Variants in NCALD observed in about 807,000 individuals in gnomAD.
NCALD encodes neurocalcin delta.
Under a neutral mutation model 18.6 loss-of-function variants are expected in NCALD, and 10 were observed. That is an observed-to-expected ratio of 0.54 (90% CI 0.33 to 0.91). NCALD has a LOEUF of 0.91. Ranked by LOEUF, NCALD falls within the 40% of genes least tolerant of loss-of-function variation. The pLI is 0.03. For missense variants in NCALD, 184 were observed against 247.6 expected, an observed-to-expected ratio of 0.74 and a Z score of 1.72; for synonymous variants, 88 against 87.4, an observed-to-expected ratio of 1.01 and a Z score of -0.04.
intron 2 of NCALD, among the ~76,000 whole-genome samples, chr8:101,954,344 A>G (rs1264829384): frequency 2.0e-5 from 3 of 152,120 alleles, no homozygotes; most frequent in Non-Finnish European, 4.4e-5. Flanking sequence ...GTCATGCCAC[A>G]TGGAAAGCAG....
At chr8:101,888,932 A>T (rs1237117711) in intron 3 of NCALD, among the ~76,000 whole-genome samples, 4 of 152,076 alleles carry the variant, frequency 2.6e-5, no homozygotes, top group African/African-American at 9.7e-5. Flanking sequence ...TAACAAGTCT[A>T]CCCTTTTCCC....
upstream of NCALD, among the ~76,000 whole-genome samples, chr8:101,791,353 A>G (rs113789697): frequency 0.015 from 2,227 of 152,264 alleles, 27 homozygotes; most frequent in Middle Eastern, 0.045. Flanking sequence ...CTCTTTCTCT[A>G]TAACAAAAGG....
chr8:101,710,537 C>T (rs1815736551), intron 2 of NCALD, among the ~76,000 whole-genome samples: 1 of 152,242 alleles, frequency 6.6e-6, no homozygotes, highest in Non-Finnish European at 1.5e-5. Flanking sequence ...GCTGCCAACA[C>T]AGCAGTCTGA....
intron 1 of NCALD, among the ~76,000 whole-genome samples, chr8:101,778,411 G>A (rs1356737923): frequency 6.6e-6 from 1 of 152,050 alleles, no homozygotes; most frequent in African/African-American, 2.4e-5. Context: ...ATGAAAGAAG[G>A]ATCCAGAAGA....
chr8:101,772,303 A>G (rs796149635), intron 1 of NCALD, among the ~76,000 whole-genome samples: 3 of 152,328 alleles, frequency 2.0e-5, no homozygotes, highest in African/African-American at 7.2e-5. Context: ...TTATCCTGGA[A>G]CAACCCTAGA....
At chr8:102,090,840 A>C (rs1824901229) in intron 1 of NCALD, among the ~76,000 whole-genome samples, 1 of 152,214 alleles carries the variant, frequency 6.6e-6, no homozygotes, top group African/African-American at 2.4e-5. Context: ...AGAGGACACA[A>C]TTGGAGAAAC....
At chr8:101,867,083 C>A (rs1307003737) in intron 4 of NCALD, among the ~76,000 whole-genome samples, 1 of 152,182 alleles carries the variant, frequency 6.6e-6, no homozygotes, top group East Asian at 1.9e-4. Flanking sequence ...CAGGCCACAC[C>A]CAACACAGGC....
At chr8:101,988,902 G>GAAAAAAAAAAAAAAAAAAAAAA (rs35196499) in intron 2 of NCALD, among the ~76,000 whole-genome samples, 1 of 66,102 alleles carries the variant, frequency 1.5e-5, no homozygotes. Context: ...GGTGCCAGCA[G>GAAAAAAAAAAAAAAAAAAAAAA]AAAAAAAAAA....
intron 4 of NCALD, among the ~76,000 whole-genome samples, chr8:101,842,912 G>A (rs1463817017): frequency 6.6e-6 from 1 of 152,118 alleles, no homozygotes; most frequent in Non-Finnish European, 1.5e-5. Context: ...AATAGGAGGT[G>A]GTTGGGGGGA....
At chr8:101,910,175 G>T (rs1386333523) in intron 3 of NCALD, among the ~76,000 whole-genome samples, 1 of 152,168 alleles carries the variant, frequency 6.6e-6, no homozygotes, top group Non-Finnish European at 1.5e-5. Context: ...TGGGAAAAGT[G>T]GTCCCAAGAA....
At position 101,807,571 on chromosome 8, in the gene NCALD, C is replaced by T. The variant is rs565254402; in HGVS notation, c.-20+79570G>A. Among the ~76,000 whole-genome samples the T allele has an allele frequency of 1.5e-4, 23 of 152,216 alleles. 1 individual carries two copies. Among genetic ancestry groups the T allele is most frequent in the African/African-American group, 5.5e-4 (23 of 41,562 alleles). On this transcript the variant is annotated intron_variant, in intron 4 of 6. Transcript: ENST00000311028. ...TTCAACACCTTATTAATAGGGTTAT[C>T]TGGTTTTACAACCCAATAGACATAG...
rs762660376 is a variant in NCALD, at chr8:101,689,291, G to A, written c.*18C>T. On this transcript the variant is annotated 3_prime_UTR_variant, in exon 4 of 4. Coordinates refer to ENST00000220931, the MANE Select transcript of NCALD (RefSeq NM_032041.3). The surrounding 1 kb of genome is among the most constrained non-coding windows in gnomAD (Gnocchi z 4.4). ...GGGAACACAAGCAGCTCTACAATTC[G>A]ATTGGTGGGCGCAGGGCTCAGAACT... is the stretch of plus-strand genomic sequence containing the variant. 24 of 1,610,404 alleles carry A rather than the reference G, an allele frequency of 1.5e-5. No individual in the cohort carries two copies. In the East Asian group the frequency reaches 3.6e-4, roughly 24 times the overall value.
chr8:102,074,352 C>T (rs1824274845), intron 1 of NCALD, among the ~76,000 whole-genome samples: 1 of 152,130 alleles, frequency 6.6e-6, no homozygotes, highest in Non-Finnish European at 1.5e-5. Flanking sequence ...GGGAAAATGG[C>T]ACCAGAAGTA....
At chr8:101,714,738 T>C (rs1815982525) in intron 2 of NCALD, among the ~76,000 whole-genome samples, 1 of 146,304 alleles carries the variant, frequency 6.8e-6, no homozygotes, top group Non-Finnish European at 1.5e-5. Flanking sequence ...GGCTCACGCC[T>C]GTAATCCCAG....
At chr8:102,053,428 T>A (rs1823520230) in intron 1 of NCALD, among the ~76,000 whole-genome samples, 1 of 152,058 alleles carries the variant, frequency 6.6e-6, no homozygotes, top group African/African-American at 2.4e-5. Flanking sequence ...GGAAGAGAGG[T>A]GCTATGAGTA....
chr8:101,994,329 C>T (rs1045437104), intron 2 of NCALD, among the ~76,000 whole-genome samples: 2 of 152,172 alleles, frequency 1.3e-5, no homozygotes, highest in African/African-American at 2.4e-5. Context: ...CCAGCTCTAT[C>T]ACTGCCACCC....
chr8:102,035,849 A>G (rs1226247755), intron 1 of NCALD, among the ~76,000 whole-genome samples: 1 of 152,202 alleles, frequency 6.6e-6, no homozygotes, highest in African/African-American at 2.4e-5. Context: ...CAGCATTTCT[A>G]GTGACATTCA....
At chr8:102,020,513 G>A (rs1822237347) in intron 1 of NCALD, 1 of 152,172 alleles carries the variant, frequency 6.6e-6, no homozygotes, top group Non-Finnish European at 1.5e-5. Context: ...TCTGCAGAAT[G>A]CAATCAGTGA....
intron 1 of NCALD, among the ~76,000 whole-genome samples, chr8:102,108,089 A>T (rs374247226): frequency 4.6e-5 from 7 of 152,170 alleles, no homozygotes; most frequent in African/African-American, 1.7e-4. Flanking sequence ...AGGATGGGGG[A>T]GGGAAGGAGA....
Sources: allele counts gnomAD v4.1 joint callset (sites outside exome capture counted in the v4.1 genomes callset), GRCh38; gene constraint gnomAD v4.1.1; non-coding constraint Gnocchi (gnomAD v3.1); transcripts MANE v1.5; gene names NCBI Gene and HGNC (gene_info 2026-07-23, HGNC 2026-07-21).